The following MTHFS variants were observed in gnomAD, a reference collection of about 807,000 sequenced individuals.
MTHFS encodes methenyltetrahydrofolate synthetase.
MTHFS carries 7 observed loss-of-function variants against 12.7 expected under a neutral mutation model. The ratio of observed to expected loss-of-function variants is 0.55; its 90% CI spans 0.31 to 1.03. The LOEUF is 1.03. Ranked by LOEUF, MTHFS falls within the 50% of genes least tolerant of loss-of-function variation. The pLI, the probability that MTHFS is intolerant of heterozygous loss-of-function variation, is 0.05. For missense variants in MTHFS, 252 were observed against 258.1 expected, an observed-to-expected ratio of 0.98 and a Z score of 0.16; for synonymous variants, 100 against 97.1, an observed-to-expected ratio of 1.03 and a Z score of -0.18.
intron 2 of MTHFS, among the ~76,000 whole-genome samples, chr15:79,882,850 G>A (rs2034319293): frequency 1.3e-5 from 2 of 152,150 alleles, no homozygotes; most frequent in Non-Finnish European, 2.9e-5. Context: ...TAAGTTTCAA[G>A]GTTATTCCCC....
chr15:79,875,250 C>T (rs1401822173), intron 2 of MTHFS, among the ~76,000 whole-genome samples: 1 of 151,656 alleles, frequency 6.6e-6, no homozygotes, highest in African/African-American at 2.4e-5. Context: ...GTTCAGGGTC[C>T]CTGACTTCCC....
At chr15:79,894,216 A>G (rs2034525889) in intron 1 of MTHFS, among the ~76,000 whole-genome samples, 1 of 152,164 alleles carries the variant, frequency 6.6e-6, no homozygotes. Flanking sequence ...CCCCGTCTCT[A>G]CTAAAAATAG....
chr15:79,888,010 A>G (rs1334581236), intron 2 of MTHFS, among the ~76,000 whole-genome samples: 2 of 152,194 alleles, frequency 1.3e-5, no homozygotes, highest in Admixed American at 6.5e-5. Context: ...CTGAGCGAAG[A>G]CTGCATAAAG....
intron 2 of MTHFS, chr15:79,877,515 A>G (rs570832308): frequency 6.6e-6 from 1 of 152,226 alleles, no homozygotes; most frequent in Admixed American, 6.5e-5. Flanking sequence ...CCTAGCCCAC[A>G]TGGTGAAACC....
intron 2 of MTHFS, among the ~76,000 whole-genome samples, chr15:79,845,968 C>T (rs887341406): frequency 1.3e-5 from 2 of 152,216 alleles, no homozygotes; most frequent in Non-Finnish European, 2.9e-5. Flanking sequence ...CAAGGCCAGG[C>T]TGCCGGGCTT....
At chr15:79,887,246 T>G (rs1318641112) in intron 2 of MTHFS, among the ~76,000 whole-genome samples, 1 of 151,922 alleles carries the variant, frequency 6.6e-6, no homozygotes, top group African/African-American at 2.4e-5. Context: ...AAAAAAAACC[T>G]GCATAAATGA....
At chr15:79,857,861 C>G (rs1204707099) in intron 2 of MTHFS, among the ~76,000 whole-genome samples, 1 of 151,814 alleles carries the variant, frequency 6.6e-6, no homozygotes, top group Non-Finnish European at 1.5e-5. Flanking sequence ...ACTAAAAATA[C>G]AAAAATTAGC....
At chr15:79,850,693 T>C (rs2054287) in intron 2 of MTHFS, among the ~76,000 whole-genome samples, 22,541 of 152,078 alleles carry the variant, frequency 0.15, 1,824 homozygotes, top group Middle Eastern at 0.2. Flanking sequence ...AAAATATCTA[T>C]TAGATTTGGC....
chr15:79,858,155 C>T (rs1289039574), intron 2 of MTHFS, among the ~76,000 whole-genome samples: 1 of 152,026 alleles, frequency 6.6e-6, no homozygotes, highest in Non-Finnish European at 1.5e-5. Context: ...TTATGGAAGG[C>T]CCTGCCCAAG....
intron 2 of MTHFS, among the ~76,000 whole-genome samples, chr15:79,871,844 T>C (rs571536117): frequency 1.1e-4 from 17 of 152,140 alleles, no homozygotes; most frequent in African/African-American, 4.1e-4. Context: ...CGGTGGCTAA[T>C]GCCTGTAATC....
rs2033569334 is a variant in MTHFS, at chr15:79,844,240, G to A, written c.*970C>T. 1 of 152,220 alleles carries A rather than the reference G, an allele frequency of 6.6e-6. No homozygotes were observed. The highest frequency in any genetic ancestry group is 1.5e-5 in the Non-Finnish European group (1 of 68,058). 9.4% of individuals were successfully genotyped at this position (152,220 alleles called of 1,614,324 possible). On this transcript the variant is annotated 3_prime_UTR_variant, in exon 3 of 3. Transcript: ENST00000258874. The stretch of plus-strand genomic sequence containing the variant: ...TTGAGAAATAAACTGGAAGAGGCAA[G>A]ATGGAAGCCAAGGGAAGCAGGTGTG...
chr15:79,879,321 CTTTTTTTT>C (rs565488885), intron 2 of MTHFS, among the ~76,000 whole-genome samples: 4 of 79,330 alleles, frequency 5.0e-5, no homozygotes, highest in African/African-American at 1.6e-4. Flanking sequence ...AATTATTACC[CTTTTTTTT>C]TTTTTTTTTT....
At chr15:79,881,420 T>C (rs914806698) in intron 2 of MTHFS, among the ~76,000 whole-genome samples, 1 of 152,170 alleles carries the variant, frequency 6.6e-6, no homozygotes, top group South Asian at 2.1e-4. Flanking sequence ...GAAATGAGGA[T>C]ATATTCTAAA....
At chr15:79,886,201 A>T (rs906160994) in intron 2 of MTHFS, among the ~76,000 whole-genome samples, 9 of 152,234 alleles carry the variant, frequency 5.9e-5, no homozygotes, top group Non-Finnish European at 1.0e-4. Flanking sequence ...AGATAAACAG[A>T]CAACAAAAGC....
chr15:79,893,333 C>T lies in MTHFS; in HGVS notation c.117+3539G>A, dbSNP rs908053846. On this transcript the variant is annotated intron_variant, in intron 1 of 2. Coordinates refer to ENST00000258874, the MANE Select transcript of MTHFS (RefSeq NM_006441.4). ...CACAGAACTCCTTGAACCCGGGAGGCGAAGGTTGCAGTGAGCCAAGATTGC... is the reference window on the plus strand; with the variant it reads ...CACAGAACTCCTTGAACCCGGGAGGTGAAGGTTGCAGTGAGCCAAGATTGC... 4.0e-5 allele frequency among the ~76,000 whole-genome samples: 6 copies of T among 151,230 alleles called. No homozygotes were observed. In the South Asian group the frequency reaches 1.0e-3, roughly 26 times the overall value.
intron 2 of MTHFS, among the ~76,000 whole-genome samples, chr15:79,875,635 G>A (rs12898276): frequency 0.14 from 21,534 of 151,994 alleles, 1,776 homozygotes; most frequent in Non-Finnish European, 0.19. Context: ...AGAAAAAAAC[G>A]GAGGCATAAA....
chr15:79,889,149 G>T lies in MTHFS; in HGVS notation c.323C>A (p.Ser108Tyr), dbSNP rs780306367. Residue 108 changes from serine (S) to tyrosine (Y), a missense_variant, in exon 2 of 3, where the codon TCC becomes TAC. By Grantham distance (144) the Ser-to-Tyr change is moderately radical. Transcript: ENST00000258874. The stretch of plus-strand genomic sequence containing the variant: ...CTCACCAGGCTGAGGGATATTCCAG[G>T]ATGTTTTGGGAAGTAAAGAAATTTC... ...PEEISLLPKTSWNIPQPGEGD... is the reference protein window; with the variant it reads ...PEEISLLPKTYWNIPQPGEGD... 6.2e-7 allele frequency: 1 copy of T among 1,614,160 alleles called. No homozygotes were observed. Among genetic ancestry groups the T allele is most frequent in the Non-Finnish European group, 8.5e-7 (1 of 1,180,028 alleles).
chr15:79,889,876 A>G (rs79506712), intron 1 of MTHFS, among the ~76,000 whole-genome samples: 22,345 of 152,130 alleles, frequency 0.15, 1,803 homozygotes, highest in Non-Finnish European at 0.19. Context: ...GAGTTAATAT[A>G]TACCTTAATA....
At chr15:79,850,109 A>C (rs1281297217) in intron 2 of MTHFS, among the ~76,000 whole-genome samples, 1 of 152,152 alleles carries the variant, frequency 6.6e-6, no homozygotes, top group East Asian at 1.9e-4. Flanking sequence ...GGTCATGAAA[A>C]CTGTATTAGA....
Sources: gnomAD v4.1 joint callset for allele counts (sites outside exome capture counted in the v4.1 genomes callset) on GRCh38, gnomAD v4.1.1 for gene constraint, MANE v1.5 for transcripts, NCBI Gene and HGNC (gene_info 2026-07-23, HGNC 2026-07-21) for gene names.